PALLD: variants seen among roughly 807,000 people sequenced by gnomAD.
PALLD encodes the protein palladin.
Under a neutral mutation model 123.5 loss-of-function variants are expected in PALLD, and 61 were observed. The ratio of observed to expected loss-of-function variants is 0.49; its 90% CI spans 0.40 to 0.61. The LOEUF (loss-of-function observed/expected upper bound fraction) is 0.61, where lower values mean the gene tolerates loss of function less well. Ranked by LOEUF, PALLD falls within the 20% of genes least tolerant of loss-of-function variation. The pLI is 0.00. For missense variants in PALLD, 1,273 were observed against 1,377.0 expected, an observed-to-expected ratio of 0.92 and a Z score of 1.20; for synonymous variants, 465 against 496.4, an observed-to-expected ratio of 0.94 and a Z score of 0.84.
intron 10 of PALLD, among the ~76,000 whole-genome samples, chr4:168,746,289 G>A (rs1730281738): frequency 6.7e-6 from 1 of 148,716 alleles, no homozygotes; most frequent in Non-Finnish European, 1.5e-5. Context: ...GCTGAGGCAG[G>A]AGAATGGCGT....
At chr4:168,697,109 G>A (rs1219599309) in intron 8 of PALLD, among the ~76,000 whole-genome samples, 1 of 152,118 alleles carries the variant, frequency 6.6e-6, no homozygotes, top group East Asian at 1.9e-4. Flanking sequence ...AAATAGCTTA[G>A]GCCTTCTCAG....
intron 10 of PALLD, among the ~76,000 whole-genome samples, chr4:168,874,183 C>T (rs144373595): frequency 4.6e-5 from 7 of 152,292 alleles, no homozygotes; most frequent in African/African-American, 4.8e-5. Context: ...AGCTAGTAGC[C>T]GGCTGAGCTG....
chr4:168,791,601 C>T (rs1280554373), intron 10 of PALLD, among the ~76,000 whole-genome samples: 1 of 152,190 alleles, frequency 6.6e-6, no homozygotes, highest in African/African-American at 2.4e-5. Flanking sequence ...ATTCAATTAC[C>T]TCCACCTGGT....
Position 168,512,318 on chromosome 4 carries a change from C to T in PALLD, c.814C>T (p.Arg272Ter), listed in dbSNP as rs1166557733. The T allele has an allele frequency of 7.4e-6, 12 of 1,614,124 alleles. No individual in the cohort carries two copies. The highest frequency in any genetic ancestry group is 3.3e-5 in the Admixed American group (2 of 60,022). Reference protein sequence around the residue: ...HSALHFPAAPRFIQKLRSQEV... With the variant: ...HSALHFPAAP ...CGCCCTCCACTTCCCAGCTGCACCTCGATTCATCCAAAAGCTGAGGAGCCA... is the reference window on the plus strand; with the variant it reads ...CGCCCTCCACTTCCCAGCTGCACCTTGATTCATCCAAAAGCTGAGGAGCCA... The change falls in exon 2 of 22, where the codon CGA (arginine) becomes TGA (stop). Residue 272 changes from arginine (R) to a stop codon, truncating the protein, a stop_gained. Coordinates refer to ENST00000505667, the MANE Select transcript of PALLD (RefSeq NM_001166108.2). LOFTEE classifies it high-confidence loss of function.
intron 2 of PALLD, among the ~76,000 whole-genome samples, chr4:168,610,641 A>AC (rs1303163138): frequency 6.6e-6 from 1 of 152,140 alleles, no homozygotes; most frequent in Non-Finnish European, 1.5e-5. Flanking sequence ...CGTGCTCCCA[A>AC]CCCAGACCCT....
chr4:168,765,343 C>T (rs1478159698), intron 10 of PALLD, among the ~76,000 whole-genome samples: 2 of 152,092 alleles, frequency 1.3e-5, no homozygotes, highest in East Asian at 1.9e-4. Context: ...AGACAGAGAG[C>T]GTGGCCCAGA....
intron 10 of PALLD, among the ~76,000 whole-genome samples, chr4:168,845,352 G>A (rs948956252): frequency 3.9e-5 from 6 of 152,124 alleles, no homozygotes; most frequent in African/African-American, 1.4e-4. Context: ...ATCTGTCTTA[G>A]ATAATAGTTG....
At chr4:168,582,194 T>G (rs1470544135) in intron 2 of PALLD, among the ~76,000 whole-genome samples, 1 of 152,132 alleles carries the variant, frequency 6.6e-6, no homozygotes, top group Non-Finnish European at 1.5e-5. Flanking sequence ...TTCACCTCCT[T>G]GATTAAATGT....
chr4:168,886,628 G>A (rs1455869753), intron 10 of PALLD, among the ~76,000 whole-genome samples: 1 of 152,110 alleles, frequency 6.6e-6, no homozygotes, highest in Non-Finnish European at 1.5e-5. Context: ...GGGTGACAGA[G>A]CAAAACCCAG....
chr4:168,508,083 A>T (rs1388725568), intron 1 of PALLD, among the ~76,000 whole-genome samples: 1 of 152,202 alleles, frequency 6.6e-6, no homozygotes, highest in Non-Finnish European at 1.5e-5. Flanking sequence ...ATACCACTGC[A>T]GGATGACTAT....
intron 5 of PALLD, 29 bp from the exon 6 acceptor site, chr4:168,685,456 A>G: frequency 2.7e-6 from 4 of 1,467,460 alleles, no homozygotes; most frequent in Non-Finnish European, 3.8e-6. Context: ...TATATTTAGA[A>G]TTTGATCCAT....
At chr4:168,540,908 C>G (rs533781922) in intron 2 of PALLD, among the ~76,000 whole-genome samples, 1 of 152,144 alleles carries the variant, frequency 6.6e-6, no homozygotes, top group African/African-American at 2.4e-5. Context: ...ATTTGGCATT[C>G]CTTCTCACCT....
intron 1 of PALLD, among the ~76,000 whole-genome samples, chr4:168,503,933 A>C: frequency 6.6e-6 from 1 of 152,170 alleles, no homozygotes; most frequent in East Asian, 1.9e-4. Context: ...CAAAAGAGTG[A>C]CGTGACACAA....
intron 19 of PALLD, among the ~76,000 whole-genome samples, 166 bp from the exon 20 acceptor site, chr4:168,924,779 C>G (rs1008388497): frequency 2.0e-5 from 3 of 152,214 alleles, no homozygotes; most frequent in Non-Finnish European, 2.9e-5. Context: ...TCTGTTCTTT[C>G]TCCCATTAAC....
At chr4:168,908,356 G>C (rs1230474876) in intron 15 of PALLD, among the ~76,000 whole-genome samples, 1 of 152,074 alleles carries the variant, frequency 6.6e-6, no homozygotes, top group Non-Finnish European at 1.5e-5. Context: ...ACCATTTGTT[G>C]CTGTAAGGAT....
Position 168,926,485 on chromosome 4 carries a change from T to C in PALLD, c.*305T>C, listed in dbSNP as rs1224766813. The C allele has an allele frequency of 8.4e-6, 6 of 711,534 alleles. No homozygotes were observed. The highest frequency in any genetic ancestry group is 4.3e-5 in the Admixed American group (1 of 23,164). The allele number at this position is 711,534 out of a possible 1,614,324, so 44.1% of individuals were successfully genotyped here. On this transcript the variant is annotated 3_prime_UTR_variant, in exon 22 of 22. Transcript: ENST00000505667. The stretch of plus-strand genomic sequence containing the variant: ...TAAAAGGCAGAAACATACCTTTGAC[T>C]ATAAGAAATTAAAAAAAAAACACCA...
At chr4:168,646,357 A>G (rs1316271333) in intron 2 of PALLD, among the ~76,000 whole-genome samples, 2 of 152,308 alleles carry the variant, frequency 1.3e-5, no homozygotes, top group Admixed American at 1.3e-4. Flanking sequence ...GCCACCAGCA[A>G]TCTGCTTCCA....
intron 10 of PALLD, among the ~76,000 whole-genome samples, chr4:168,792,445 C>A (rs1359174384): frequency 2.4e-4 from 36 of 152,072 alleles, no homozygotes; most frequent in Admixed American, 2.4e-3. Context: ...TCCCGTGTCC[C>A]CCACTCTGAG....
intron 2 of PALLD, among the ~76,000 whole-genome samples, chr4:168,546,392 G>C (rs1224642613): frequency 6.8e-6 from 1 of 146,024 alleles, no homozygotes; most frequent in Non-Finnish European, 1.5e-5. Context: ...AGCTTTCCTT[G>C]CCTCCCCCAA....
Sources: allele counts gnomAD v4.1 joint callset (sites outside exome capture counted in the v4.1 genomes callset), GRCh38; gene constraint gnomAD v4.1.1; transcripts MANE v1.5; gene names NCBI Gene and HGNC (gene_info 2026-07-23, HGNC 2026-07-21).